NBEA: variants seen among roughly 807,000 people sequenced by gnomAD.
NBEA encodes the protein neurobeachin.
Under a neutral mutation model 343.4 loss-of-function variants are expected in NBEA, and 44 were observed. That is an observed-to-expected ratio of 0.13 (90% CI 0.10 to 0.16). The LOEUF (loss-of-function observed/expected upper bound fraction) is 0.16. Ranked by LOEUF, NBEA falls within the 10% of genes least tolerant of loss-of-function variation. The probability of loss-of-function intolerance (pLI) is 1.00; values close to 1 mark genes in which losing one functional copy is unlikely to be tolerated. For synonymous variants in NBEA, 1,175 were observed against 1,238.7 expected, an observed-to-expected ratio of 0.95 and a Z score of 1.08; for missense variants, 2,555 against 3,631.3, an observed-to-expected ratio of 0.70 and a Z score of 7.62.
chr13:35,460,821 A>G lies in NBEA; in HGVS notation c.6448+8586A>G, dbSNP rs950359465. 3.3e-5 allele frequency among the ~76,000 whole-genome samples: 5 copies of G among 152,228 alleles called. No homozygotes were observed. The East Asian group carries it at 9.6e-4, about 29-fold the overall frequency. On this transcript the variant is annotated intron_variant, in intron 40 of 58. Transcript: ENST00000379939. Reference sequence around the variant, plus strand: ...CAGGATACCTGAAACTGGACAACTTATAAGAAAAGAAACTTATTTTATACA... The same window carrying G: ...CAGGATACCTGAAACTGGACAACTTGTAAGAAAAGAAACTTATTTTATACA...
chr13:35,102,047 G>T (rs2065671456), intron 11 of NBEA, among the ~76,000 whole-genome samples: 1 of 151,400 alleles, frequency 6.6e-6, no homozygotes, highest in Admixed American at 6.6e-5. Context: ...AATCTATCTG[G>T]AATTGAATTT....
At chr13:35,494,757 T>A (rs868483517) in intron 41 of NBEA, among the ~76,000 whole-genome samples, 2 of 152,038 alleles carry the variant, frequency 1.3e-5, no homozygotes, top group Middle Eastern at 3.4e-3. Flanking sequence ...GCTCCGTAAT[T>A]TCAGCTCTTT....
rs957781255 is a variant in NBEA at position 35,196,110 on chromosome 13, C to T, written c.5174C>T (p.Thr1725Met). ...QESLTENPSE[T>M]LKPATSISSI... is the part of the protein sequence containing the mutation. Reference sequence around the variant, plus strand: ...AGCTTAACTGAAAATCCTAGTGAAACGTTGAAGCCTGCAACATCCATATCT... The same window carrying T: ...AGCTTAACTGAAAATCCTAGTGAAATGTTGAAGCCTGCAACATCCATATCT... Residue 1725 changes from threonine to methionine, a missense_variant, in exon 31 of 59, where the codon ACG becomes ATG. Coordinates refer to ENST00000379939, the MANE Select transcript of NBEA (RefSeq NM_001385012.1). 5 of 1,613,484 alleles carry T rather than the reference C, an allele frequency of 3.1e-6. No individual in the cohort carries two copies. Among genetic ancestry groups the T allele is most frequent in the African/African-American group, 2.7e-5 (2 of 74,904 alleles).
At chr13:35,326,945 A>G (rs773697777) in intron 36 of NBEA, among the ~76,000 whole-genome samples, 13 of 152,112 alleles carry the variant, frequency 8.5e-5, no homozygotes, top group Non-Finnish European at 1.8e-4. Flanking sequence ...AATAAAAAAC[A>G]AATAGCCCAA....
intron 34 of NBEA, among the ~76,000 whole-genome samples, chr13:35,288,529 T>G (rs1427306098): frequency 6.6e-6 from 1 of 151,970 alleles, no homozygotes; most frequent in Non-Finnish European, 1.5e-5. Flanking sequence ...TTTTTGCCAT[T>G]CCTTTTGAAC....
At chr13:35,667,608 C>G (rs1330969719) in intron 57 of NBEA, 38 bp downstream of exon 57, 11 of 1,531,766 alleles carry the variant, frequency 7.2e-6, no homozygotes, top group Non-Finnish European at 9.0e-6. Context: ...GGACTGAAGC[C>G]AAGAGATTAA....
chr13:35,374,497 T>C (rs1231257574), intron 38 of NBEA, among the ~76,000 whole-genome samples: 2 of 152,200 alleles, frequency 1.3e-5, no homozygotes, highest in African/African-American at 2.4e-5. Flanking sequence ...TGTCACAGAC[T>C]TTAAATTTGG....
intron 13 of NBEA, among the ~76,000 whole-genome samples, chr13:35,115,444 A>G (rs1322441353): frequency 6.6e-6 from 1 of 151,500 alleles, no homozygotes; most frequent in Non-Finnish European, 1.5e-5. Context: ...CCTCTTTTCT[A>G]CTCCCTGTCA....
chr13:35,441,462 C>T (rs530634428), intron 39 of NBEA, among the ~76,000 whole-genome samples: 1 of 152,110 alleles, frequency 6.6e-6, no homozygotes, highest in African/African-American at 2.4e-5. Flanking sequence ...TAAATGCTAA[C>T]TTGCATGACC....
chr13:35,262,544 T>C (rs1231434246), intron 34 of NBEA, among the ~76,000 whole-genome samples: 1 of 152,224 alleles, frequency 6.6e-6, no homozygotes, highest in Non-Finnish European at 1.5e-5. Flanking sequence ...ATTATTACAA[T>C]GAGTTTTCTT....
chr13:35,370,438 A>G (rs546063011), intron 38 of NBEA, among the ~76,000 whole-genome samples: 1 of 152,008 alleles, frequency 6.6e-6, no homozygotes, highest in East Asian at 1.9e-4. Flanking sequence ...TGCAGATGAG[A>G]TGAGATTCCT....
In NBEA at chr13:35,638,394, A is replaced by C. The variant is rs114103262; in HGVS notation, c.7618-7475A>C. Among the ~76,000 whole-genome samples the C allele has an allele frequency of 5.8e-3, 878 of 152,326 alleles. 7 individuals are homozygous for C. The highest frequency in any genetic ancestry group is 0.02 in the African/African-American group (820 of 41,576). On this transcript the variant is annotated intron_variant, in intron 49 of 58. Transcript: ENST00000379939. ...GACAAGGAAAGGGAGCCATTCCCAG[A>C]ATCTGGCAATAAAAGTGCTCACCCA... is the stretch of plus-strand genomic sequence containing the variant.
intron 1 of NBEA, among the ~76,000 whole-genome samples, chr13:34,949,081 G>A (rs2059274264): frequency 6.6e-6 from 1 of 152,154 alleles, no homozygotes; most frequent in Non-Finnish European, 1.5e-5. Context: ...CTTCTCCCAA[G>A]CCTCGCATGC....
At chr13:35,404,759 TAAA>T (rs1169085419) in intron 38 of NBEA, among the ~76,000 whole-genome samples, 1 of 151,474 alleles carries the variant, frequency 6.6e-6, no homozygotes, top group Non-Finnish European at 1.5e-5. Context: ...ATAATAATAA[TAAA>T]ATTTAAAAAA....
chr13:35,460,456 G>C (rs1334645464), intron 40 of NBEA, among the ~76,000 whole-genome samples: 1 of 152,114 alleles, frequency 6.6e-6, no homozygotes, highest in Non-Finnish European at 1.5e-5. Context: ...AAAAGCTAAA[G>C]TATTTAAATT....
intron 40 of NBEA, among the ~76,000 whole-genome samples, chr13:35,455,397 TAAA>T (rs529352383): frequency 2.4e-5 from 3 of 126,164 alleles, no homozygotes; most frequent in Non-Finnish European, 3.4e-5. Flanking sequence ...TTTCTGTTTA[TAAA>T]AAAAAAAAAA....
At chr13:35,468,509 T>C (rs1037332032) in intron 40 of NBEA, among the ~76,000 whole-genome samples, 1 of 152,172 alleles carries the variant, frequency 6.6e-6, no homozygotes, top group Non-Finnish European at 1.5e-5. Flanking sequence ...TTGATTGAAA[T>C]ACTTAATCAT....
At chr13:35,350,615 A>G (rs1473644720) in intron 37 of NBEA, among the ~76,000 whole-genome samples, 2 of 151,996 alleles carry the variant, frequency 1.3e-5, no homozygotes, top group East Asian at 3.8e-4. Flanking sequence ...AACATAAAAT[A>G]TAATATTAAT....
intron 38 of NBEA, among the ~76,000 whole-genome samples, chr13:35,357,782 G>A (rs1198452162): frequency 3.9e-5 from 6 of 151,986 alleles, no homozygotes; most frequent in Non-Finnish European, 8.8e-5. Context: ...TCAGAAAATG[G>A]GATGAATAGT....
Sources: allele counts gnomAD v4.1 joint callset (sites outside exome capture counted in the v4.1 genomes callset), GRCh38; gene constraint gnomAD v4.1.1; transcripts MANE v1.5; gene names NCBI Gene and HGNC (gene_info 2026-07-23, HGNC 2026-07-21).